ARHGAP30: variants seen among roughly 807,000 people sequenced by gnomAD.
ARHGAP30 encodes the protein Rho GTPase activating protein 30, also known as rho GTPase-activating protein 30.
ARHGAP30 carries 23 observed loss-of-function variants against 72.0 expected under a neutral mutation model. The observed-to-expected ratio is 0.32, with a 90% confidence interval of 0.23 to 0.45. The LOEUF (loss-of-function observed/expected upper bound fraction) is 0.45, where lower values mean the gene tolerates loss of function less well. Ranked by LOEUF, ARHGAP30 falls within the 20% of genes least tolerant of loss-of-function variation. The pLI, the probability that ARHGAP30 is intolerant of heterozygous loss-of-function variation, is 1.00. For synonymous variants in ARHGAP30, 576 were observed against 528.2 expected, an observed-to-expected ratio of 1.09 and a Z score of -1.24; for missense variants, 1,319 against 1,383.4, an observed-to-expected ratio of 0.95 and a Z score of 0.74.
At chr1:161,064,825 AAGAAAG>A (rs768880158) in intron 1 of ARHGAP30, among the ~76,000 whole-genome samples, 4,553 of 56,534 alleles carry the variant, frequency 0.081, 203 homozygotes, top group African/African-American at 0.25. Flanking sequence ...GAAAGAAAGA[AAGAAAG>A]AGAAAGAAAG....
At chr1:161,055,033 G>A (rs929525124) in intron 3 of ARHGAP30, among the ~76,000 whole-genome samples, 13 of 152,150 alleles carry the variant, frequency 8.5e-5, no homozygotes, top group Non-Finnish European at 2.9e-5. Context: ...AGTTATTTCA[G>A]TGTGTCCAGG....
chr1:161,066,215 T>G (rs984768375), intron 1 of ARHGAP30, among the ~76,000 whole-genome samples: 13 of 149,344 alleles, frequency 8.7e-5, no homozygotes, highest in African/African-American at 3.0e-4. Flanking sequence ...AGACCCTTCA[T>G]CCTCCTGCAC....
At position 161,052,782 on chromosome 1, in the gene ARHGAP30, C is replaced by G; in HGVS notation, c.680G>C (p.Ser227Thr). The G allele has an allele frequency of 6.2e-7, 1 of 1,611,392 alleles. No homozygotes were observed. The highest frequency in any genetic ancestry group is 8.5e-7 in the Non-Finnish European group (1 of 1,179,734). The change falls in exon 7 of 12, where the codon AGT (serine) becomes ACT (threonine). Residue 227 changes from serine (S) to threonine (T), a missense_variant. By Grantham distance (58) the Ser-to-Thr change is moderately conservative. Transcript: ENST00000368013. ...GGTCCCTGGAAGCGATCGCCACCCA[C>G]TCTCCACCTCACCACCTGGGAAAAG... is the stretch of plus-strand genomic sequence containing the variant. ...GAALSGGEVE[S>T]GWRSLPGTRA...
intron 9 of ARHGAP30, 86 bp downstream of exon 9, chr1:161,052,200 G>A: frequency 6.9e-7 from 1 of 1,449,568 alleles, no homozygotes; most frequent in Non-Finnish European, 9.6e-7. Flanking sequence ...TGAAATTATT[G>A]AACACAGTTG....
rs113542444 is a variant in ARHGAP30 at position 161,049,237 on chromosome 1, C to T, written c.1784G>A (p.Gly595Asp). Residue 595 changes from glycine (G) to aspartate (D), a missense_variant, in exon 12 of 12, where the codon GGC becomes GAC. Physicochemically the swap from Gly to Asp is moderately conservative, Grantham distance 94 (BLOSUM62 -1). This residue lies in a region of ARHGAP30 where 1,097 missense variants were observed against 1,045.2 expected (regional missense o/e 1.05). Coordinates refer to ENST00000368013, the MANE Select transcript of ARHGAP30 (RefSeq NM_001025598.2). ...TTCCTCCTCAACTTCAGGCCTGGGG[C>T]CAGCGGAGTCCAGGGAACAGCAGCT... ...APSCCSLDSAGPRPEVEEENG... is the reference protein window; with the variant it reads ...APSCCSLDSADPRPEVEEENG... The T allele has an allele frequency of 1.2e-6, 2 of 1,614,134 alleles. No individual in the cohort carries two copies. Among genetic ancestry groups the T allele is most frequent in the African/African-American group, 2.7e-5 (2 of 75,022 alleles).
chr1:161,061,222 G>A (rs1384522838), intron 1 of ARHGAP30, among the ~76,000 whole-genome samples: 1 of 151,994 alleles, frequency 6.6e-6, no homozygotes, highest in East Asian at 1.9e-4. Context: ...CTGGAGTGCA[G>A]TGGCACAGTC....
intron 1 of ARHGAP30, among the ~76,000 whole-genome samples, chr1:161,064,917 GAGAAA>G (rs1438909112): frequency 6.6e-6 from 1 of 150,410 alleles, no homozygotes; most frequent in Non-Finnish European, 1.5e-5. Flanking sequence ...AGGGAAGGAA[GAGAAA>G]AGGAAAGGAA....
intron 2 of ARHGAP30, among the ~76,000 whole-genome samples, chr1:161,058,100 A>G (rs1652018711): frequency 6.6e-6 from 1 of 151,878 alleles, no homozygotes; most frequent in African/African-American, 2.4e-5. Context: ...GTGGTGAGCC[A>G]AGATCGCGAC....
intron 10 of ARHGAP30, among the ~76,000 whole-genome samples, chr1:161,050,076 A>G (rs553173780): frequency 4.3e-4 from 65 of 152,182 alleles, no homozygotes; most frequent in Non-Finnish European, 8.5e-4. Flanking sequence ...GTTCTTACCC[A>G]CTATCCTATC....
In ARHGAP30 at chr1:161,047,878, C is replaced by T. The variant is rs1216199832; in HGVS notation, c.3143G>A (p.Ser1048Asn). The T allele has an allele frequency of 1.9e-6, 3 of 1,611,614 alleles. No homozygotes were observed. Among genetic ancestry groups the T allele is most frequent in the South Asian group, 2.2e-5 (2 of 90,754 alleles). The change falls in exon 12 of 12, where the codon AGC (serine) becomes AAC (asparagine). Residue 1048 changes from serine (S) to asparagine (N), a missense_variant. Transcript: ENST00000368013. ...ACCTTCAGATGGGAGCTCCAGGCAG[C>T]TAAGGGGCCGAGGAGAATGGGCAGA... ...MISAHSPRPLSCLELPSEGAE... is the reference protein window; with the variant it reads ...MISAHSPRPLNCLELPSEGAE...
In ARHGAP30 at chr1:161,069,580, C is replaced by T; in HGVS notation, c.45G>A (p.Glu15=). ...QKGKKKGSAK[E]RVFGCDLQEH... ...CCTGCAAGTCGCACCCAAAAACCCG[C>T]TCCTTTGCGCTGCCCTTCTTCTTTC... is the stretch of plus-strand genomic sequence containing the variant. The change falls in exon 1 of 12, where the codon GAG becomes GAA. Residue 15 remains glutamate (E), a synonymous_variant. Transcript: ENST00000368013. The surrounding 1 kb of genome is among the most constrained non-coding windows in gnomAD (Gnocchi z 4.9). The T allele has an allele frequency of 6.2e-7, 1 of 1,611,700 alleles. No individual in the cohort carries two copies. The highest frequency in any genetic ancestry group is 8.5e-7 in the Non-Finnish European group (1 of 1,180,012).
chr1:161,061,455 C>T (rs1291305478), intron 1 of ARHGAP30, among the ~76,000 whole-genome samples: 1 of 117,204 alleles, frequency 8.5e-6, no homozygotes, highest in South Asian at 2.5e-4. Flanking sequence ...GCCTGACCTG[C>T]TTTATATATG....
intron 9 of ARHGAP30, among the ~76,000 whole-genome samples, chr1:161,052,085 C>T (rs981455856): frequency 1.4e-5 from 2 of 144,770 alleles, no homozygotes; most frequent in South Asian, 2.2e-4. Flanking sequence ...CCATCCCATA[C>T]GAACACTCAT....
At chr1:161,053,496 C>CTCTG (rs1651592041) in intron 5 of ARHGAP30, 111 bp from the exon 6 acceptor site, 1 of 927,760 alleles carries the variant, frequency 1.1e-6, no homozygotes, top group East Asian at 6.7e-5. Flanking sequence ...CTCTCTCTCT[C>CTCTG]TCTCTCTCTC....
At position 161,061,324 on chromosome 1, in the gene ARHGAP30, C is replaced by T. The variant is rs1432893604; in HGVS notation, c.98-1608G>A. ...GGAATTACAGACACGCGCCACCACG[C>T]CCAGCTAATTTTTGTATTTTTAGTA... On this transcript the variant is annotated intron_variant, in intron 1 of 11. Transcript: ENST00000368013. Among the ~76,000 whole-genome samples the T allele has an allele frequency of 3.3e-5, 5 of 152,084 alleles. No individual in the cohort carries two copies. The East Asian group carries it at 7.8e-4, about 24-fold the overall frequency.
chr1:161,049,393 C>T, intron 11 of ARHGAP30, 31 bp downstream of exon 11: 1 of 1,597,730 alleles, frequency 6.3e-7, no homozygotes, highest in Non-Finnish European at 8.5e-7. Context: ...TGACTCCATG[C>T]CACCCCCAAA....
rs1651036971 is a variant in ARHGAP30 at position 161,048,342 on chromosome 1, A to G, written c.2679T>C (p.Pro893=). ...CCTCAGGCTCCATCTCCTCTGGCTG[A>G]GGTGGCTGTGGGGCTACCTCTTCCA... ...SEMEEVAPQP[P]QPEEMEPEGQ... The change falls in exon 12 of 12, where the codon CCT becomes CCC. Residue 893 remains proline (P), a synonymous_variant. Transcript: ENST00000368013. The G allele has an allele frequency of 6.2e-7, 1 of 1,614,068 alleles. No homozygotes were observed. The highest frequency in any genetic ancestry group is 1.3e-5 in the African/African-American group (1 of 74,930).
intron 3 of ARHGAP30, among the ~76,000 whole-genome samples, chr1:161,055,933 AAT>A (rs199851528): frequency 6.4e-5 from 2 of 31,038 alleles, no homozygotes; most frequent in Admixed American, 2.8e-4. Flanking sequence ...AATAAAATAA[AAT>A]AAATATAAAA....
At chr1:161,057,091 G>T (rs957791299) in intron 2 of ARHGAP30, among the ~76,000 whole-genome samples, 3 of 152,124 alleles carry the variant, frequency 2.0e-5, no homozygotes, top group African/African-American at 7.2e-5. Flanking sequence ...ATATCTGATT[G>T]AGGGTCTAGC....
Sources: gnomAD v4.1 joint callset for allele counts (sites outside exome capture counted in the v4.1 genomes callset) on GRCh38, gnomAD v4.1.1 for gene constraint, gnomAD v4.1.1 regional missense constraint, Gnocchi (gnomAD v3.1) non-coding constraint, MANE v1.5 for transcripts, NCBI Gene and HGNC (gene_info 2026-07-23, HGNC 2026-07-21) for gene names.